GCSH: variants seen among roughly 807,000 people sequenced by gnomAD.
The protein encoded by GCSH is glycine cleavage system H protein, mitochondrial.
GCSH carries 15 observed loss-of-function variants against 21.3 expected under a neutral mutation model. The observed-to-expected ratio is 0.70, with a 90% CI of 0.47 to 1.08. The LOEUF (loss-of-function observed/expected upper bound fraction) is 1.08. Ranked by LOEUF, GCSH falls within the 50% of genes least tolerant of loss-of-function variation. GCSH has a pLI of 0.00. For missense variants in GCSH, 179 were observed against 217.5 expected (o/e 0.82, Z 1.11); for synonymous variants, 59 against 84.5 (o/e 0.70, Z 1.66).
rs373308881 is a variant in GCSH, at chr16:81,091,545, A to C, written c.149-865T>G. On this transcript the variant is annotated intron_variant, in intron 1 of 4. Transcript: ENST00000315467. Reference sequence around the variant, plus strand: ...TTAAAAGTACTTGCCTTAGAGAATAATATTTTTTAAAAAGCATATGCTATA... The same window carrying C: ...TTAAAAGTACTTGCCTTAGAGAATACTATTTTTTAAAAAGCATATGCTATA... Among the ~76,000 whole-genome samples, 6 of 152,352 alleles carry C rather than the reference A, an allele frequency of 3.9e-5. No homozygotes were observed. In the East Asian group the frequency reaches 7.7e-4, roughly 20 times the overall value.
chr16:81,084,258 C>G (rs890327078), intron 4 of GCSH: 1 of 626,736 alleles, frequency 1.6e-6, no homozygotes, highest in Non-Finnish European at 2.8e-6. Context: ...GGATCACAGG[C>G]GCGAGCCACT....
intron 2 of GCSH, among the ~76,000 whole-genome samples, chr16:81,087,984 G>A (rs1347675136): frequency 6.6e-6 from 1 of 152,106 alleles, no homozygotes; most frequent in East Asian, 1.9e-4. Context: ...AAATTAGCTG[G>A]GTGTGGTGGC....
In GCSH at chr16:81,084,463, C is replaced by G; in HGVS notation, c.424G>C (p.Gly142Arg). ...GLVNKSCYEDGWLIKMTLSNP... is the reference protein window; with the variant it reads ...GLVNKSCYEDRWLIKMTLSNP... ...TGAGAAATTTCTAGCAACAGCTTAC[C>G]ATCTTCATAACAAGATTTGTTTACA... Residue 142 changes from glycine to arginine, a missense_variant and splice_region_variant, in exon 4 of 5, where the codon GGT becomes CGT. Gly to Arg is a moderately radical substitution (Grantham distance 125, BLOSUM62 -2). Coordinates refer to ENST00000315467, the MANE Select transcript of GCSH (RefSeq NM_004483.5). 6.2e-7 allele frequency: 1 copy of G among 1,608,048 alleles called. No homozygotes were observed. The highest frequency in any genetic ancestry group is 8.5e-7 in the Non-Finnish European group (1 of 1,174,580).
intron 1 of GCSH, among the ~76,000 whole-genome samples, chr16:81,093,318 A>G (rs1972436525): frequency 1.3e-5 from 2 of 152,168 alleles, no homozygotes; most frequent in African/African-American, 4.8e-5. Context: ...CTGGACAACT[A>G]TAAACACCAC....
chr16:81,091,181 T>C (rs1304502219), intron 1 of GCSH: 4 of 419,978 alleles, frequency 9.5e-6, no homozygotes, highest in Admixed American at 6.3e-5. Context: ...TCAGTGCAGC[T>C]TGGGTTACAA....
At chr16:81,086,848 T>C (rs935288962) in intron 3 of GCSH, among the ~76,000 whole-genome samples, 1 of 132,722 alleles carries the variant, frequency 7.5e-6, no homozygotes, top group Non-Finnish European at 1.7e-5. Flanking sequence ...AAAATAAACC[T>C]ATGGTGTAGA....
chr16:81,095,420 TC>T (rs969989015), intron 1 of GCSH, among the ~76,000 whole-genome samples: 10 of 151,012 alleles, frequency 6.6e-5, no homozygotes, highest in African/African-American at 2.5e-4. Flanking sequence ...TTTTGCTCTG[TC>T]GCCCAGGCTG....
chr16:81,083,422 CAGA>C lies in GCSH; in HGVS notation c.425-462_425-460del, dbSNP rs1972210160. 2.0e-5 allele frequency: 4 copies of C among 197,132 alleles called. No homozygotes were observed. The South Asian group carries it at 3.5e-4, about 17-fold the overall frequency. The allele number at this position is 197,132 out of a possible 1,614,324, so 12.2% of individuals were successfully genotyped here. On this transcript the variant is annotated intron_variant, in intron 4 of 4. Coordinates refer to ENST00000315467, the MANE Select transcript of GCSH (RefSeq NM_004483.5). ...GATCCCAGCTACTGGGAAGCTGAGG[CAGA>C]AGAAGTGCTTGAACCCGAGAAGGGG...
intron 1 of GCSH, among the ~76,000 whole-genome samples, chr16:81,092,535 G>A (rs1972416921): frequency 6.6e-6 from 1 of 151,698 alleles, no homozygotes; most frequent in African/African-American, 2.4e-5. Flanking sequence ...GAGGTCCGGG[G>A]TTTGAGACCA....
chr16:81,087,371 A>G (rs1205724335), intron 3 of GCSH, among the ~76,000 whole-genome samples: 1 of 151,988 alleles, frequency 6.6e-6, no homozygotes, highest in African/African-American at 2.4e-5. Context: ...ACAATACAAA[A>G]ATTAGCTGGG....
intron 2 of GCSH, among the ~76,000 whole-genome samples, chr16:81,089,562 T>G (rs1892343812): frequency 6.6e-6 from 1 of 151,192 alleles, no homozygotes; most frequent in Non-Finnish European, 1.5e-5. Flanking sequence ...TCTAGGTGTG[T>G]GTAAGGGCAC....
In GCSH at chr16:81,084,595, C is replaced by G; in HGVS notation, c.293-1G>C. ...ACACTTTCCAAAGCACCAAACTCAT[C>G]TAAGTGGAAAAAAAATTAAAGAAAA... On this transcript the variant is annotated splice_acceptor_variant, in intron 3 of 4. Coordinates refer to ENST00000315467, the MANE Select transcript of GCSH (RefSeq NM_004483.5). LOFTEE classifies it high-confidence loss of function. 1 of 1,602,936 alleles carries G rather than the reference C, an allele frequency of 6.2e-7. No individual in the cohort carries two copies. Among genetic ancestry groups the G allele is most frequent in the African/African-American group, 1.3e-5 (1 of 74,430 alleles).
At position 81,082,174 on chromosome 16, in the gene GCSH, T is replaced by C. The variant is rs1436567563; in HGVS notation, c.*692A>G. The C allele has an allele frequency of 2.2e-6, 1 of 453,984 alleles. No individual in the cohort carries two copies. The highest frequency in any genetic ancestry group is 2.0e-5 in the African/African-American group (1 of 50,016). The allele number at this position is 453,984 out of a possible 1,614,324, so 28.1% of individuals were successfully genotyped here. A position where few individuals can be genotyped will look rare whatever the true frequency, so the allele number is the denominator to read the frequency against. On this transcript the variant is annotated 3_prime_UTR_variant, in exon 5 of 5. Transcript: ENST00000315467. The stretch of plus-strand genomic sequence containing the variant: ...AGATCTTGGCTTAAGAAAAACCAGA[T>C]TTGTGACTAAAGAAAACATTTTCTT...
In GCSH at chr16:81,096,158, G is replaced by A. The variant is rs1972502578; in HGVS notation, c.121C>T (p.Leu41=). The change falls in exon 1 of 5, where the codon CTG becomes TTG. Residue 41 remains leucine, a synonymous_variant. Transcript: ENST00000315467. The part of the protein sequence containing the change: ...WQLGVGAVRT[L]RTGPALLSVR... Reference sequence around the variant, plus strand: ...GAGAGCAGAGCGGGTCCAGTGCGCAGCGTACGGACGGCGCCCACCCCCAGC... The same window carrying A: ...GAGAGCAGAGCGGGTCCAGTGCGCAACGTACGGACGGCGCCCACCCCCAGC... The A allele has an allele frequency of 1.5e-6, 2 of 1,314,174 alleles. No homozygotes were observed. Among genetic ancestry groups the A allele is most frequent in the African/African-American group, 3.1e-5 (2 of 64,920 alleles). The allele number at this position is 1,314,174 out of a possible 1,614,324, so 81.4% of individuals were successfully genotyped here. A position where few individuals can be genotyped will look rare whatever the true frequency, so the allele number is the denominator to read the frequency against.
intron 1 of GCSH, among the ~76,000 whole-genome samples, chr16:81,092,718 A>G (rs8177853): frequency 0.96 from 146,669 of 152,078 alleles, 70,937 homozygotes; most frequent in Middle Eastern, 1. Flanking sequence ...ACTCCAGCCT[A>G]AGCAACAGAG....
intron 1 of GCSH, among the ~76,000 whole-genome samples, chr16:81,095,703 T>C (rs890025790): frequency 3.3e-5 from 5 of 151,658 alleles, no homozygotes; most frequent in Non-Finnish European, 5.9e-5. Flanking sequence ...TACTTCGGAG[T>C]TCTCAGTAAC....
chr16:81,091,070 G>A (rs1290622646), intron 1 of GCSH: 8 of 455,964 alleles, frequency 1.8e-5, no homozygotes, highest in Admixed American at 9.7e-5. Context: ...GGTTTAGGGA[G>A]GCAGCATAAA....
intron 4 of GCSH, chr16:81,083,453 G>C (rs1400591864): frequency 5.4e-6 from 1 of 183,766 alleles, no homozygotes; most frequent in East Asian, 1.5e-4. Flanking sequence ...AGAAGGGGAG[G>C]TTGCAGTGCA....
At chr16:81,085,005 G>A (rs1375523424) in intron 3 of GCSH, among the ~76,000 whole-genome samples, 1 of 134,932 alleles carries the variant, frequency 7.4e-6, no homozygotes, top group African/African-American at 2.8e-5. Flanking sequence ...ATAAGCCACT[G>A]CACCTGGCTC....
Sources: gnomAD v4.1 joint callset for allele counts (sites outside exome capture counted in the v4.1 genomes callset) on GRCh38, gnomAD v4.1.1 for gene constraint, MANE v1.5 for transcripts, NCBI Gene and HGNC (gene_info 2026-07-23, HGNC 2026-07-21) for gene names.